Variants in EVA1C observed in about 807,000 individuals in gnomAD.
The protein encoded by EVA1C is protein eva-1 homolog C.
A neutral mutation model predicts 45.4 loss-of-function variants in EVA1C; 25 were observed. The observed-to-expected ratio is 0.55, with a 90% CI of 0.40 to 0.77. EVA1C has a LOEUF of 0.77. EVA1C is among the 30% of genes least tolerant of loss of function. The probability of loss-of-function intolerance (pLI) is 0.00; values close to 1 mark genes in which losing one functional copy is unlikely to be tolerated. For missense variants in EVA1C, 479 were observed against 554.8 expected, an observed-to-expected ratio of 0.86 and a Z score of 1.37; for synonymous variants, 190 against 221.2, an observed-to-expected ratio of 0.86 and a Z score of 1.25.
intron 3 of EVA1C, among the ~76,000 whole-genome samples, chr21:32,462,352 C>T (rs891947162): frequency 6.6e-6 from 1 of 152,046 alleles, no homozygotes; most frequent in African/African-American, 2.4e-5. Flanking sequence ...TATGAGCTCA[C>T]CACTGCACTC....
intron 1 of EVA1C, among the ~76,000 whole-genome samples, chr21:32,431,361 C>T (rs1378345752): frequency 1.3e-5 from 2 of 152,236 alleles, no homozygotes; most frequent in Non-Finnish European, 2.9e-5. Context: ...AACAAGCAGA[C>T]ATGGGGGGCT....
Position 32,514,851 on chromosome 21 carries a change from T to C in EVA1C, c.987T>C (p.Ser329=). Residue 329 remains serine, a synonymous_variant, in exon 8 of 8, where the codon AGT becomes AGC. Transcript: ENST00000300255. ...GAGCTGCCCTGCTGTTCGTGTCCAG[T>C]GTCTGCATCGGCCTGGCCCTCACAC... ...PERAALLFVS[S]VCIGLALTLC... 6.3e-7 allele frequency: 1 copy of C among 1,599,064 alleles called. No homozygotes were observed. The highest frequency in any genetic ancestry group is 8.5e-7 in the Non-Finnish European group (1 of 1,171,032).
At chr21:32,453,175 G>C in intron 1 of EVA1C, 137 bp from the exon 2 acceptor site, 1 of 582,072 alleles carries the variant, frequency 1.7e-6, no homozygotes, top group Non-Finnish European at 3.1e-6. Context: ...CTGCACCAGA[G>C]CTGCTAGGGA....
At chr21:32,471,311 C>T (rs2036361894) in intron 4 of EVA1C, among the ~76,000 whole-genome samples, 3 of 149,674 alleles carry the variant, frequency 2.0e-5, no homozygotes, top group South Asian at 4.2e-4. Flanking sequence ...CCCCTACTCC[C>T]ACTCCTTTTT....
intron 4 of EVA1C, among the ~76,000 whole-genome samples, chr21:32,484,599 A>G (rs916757035): frequency 2.0e-5 from 3 of 151,796 alleles, no homozygotes; most frequent in Non-Finnish European, 4.4e-5. Context: ...TGCAACTCAC[A>G]TGTGTCACCC....
chr21:32,438,022 C>G (rs1448311638), intron 1 of EVA1C, among the ~76,000 whole-genome samples: 3 of 152,184 alleles, frequency 2.0e-5, no homozygotes, highest in African/African-American at 7.2e-5. Flanking sequence ...GGAGGAGCAG[C>G]TGTTTTTTGA....
rs560846514 is a variant in EVA1C, at chr21:32,420,045, C to T, written c.160+7032C>T. On this transcript the variant is annotated intron_variant, in intron 1 of 7. Coordinates refer to ENST00000300255, the MANE Select transcript of EVA1C (RefSeq NM_058187.5). Reference sequence around the variant, plus strand: ...CCCTTGGGGTATCTCGTTCTGCCACCCCTTTAGTTGGCTCCCATGTGTGCA... The same window carrying T: ...CCCTTGGGGTATCTCGTTCTGCCACTCCTTTAGTTGGCTCCCATGTGTGCA... 3.9e-3 allele frequency among the ~76,000 whole-genome samples: 588 copies of T among 152,254 alleles called. 1 individual carries two copies. Among genetic ancestry groups the T allele is most frequent in the Middle Eastern group, 0.02 (6 of 294 alleles).
In EVA1C at chr21:32,483,429, C is replaced by T. The variant is rs528542012; in HGVS notation, c.635-11598C>T. On this transcript the variant is annotated intron_variant, in intron 4 of 7. Coordinates refer to ENST00000300255, the MANE Select transcript of EVA1C (RefSeq NM_058187.5). ...AAAGCTCAATAGACTTCTTGACTTGCTGTGTTTACTCTTCATTCATGAAGA... is the reference window on the plus strand; with the variant it reads ...AAAGCTCAATAGACTTCTTGACTTGTTGTGTTTACTCTTCATTCATGAAGA... 3.3e-5 allele frequency among the ~76,000 whole-genome samples: 5 copies of T among 152,252 alleles called. No individual in the cohort carries two copies. In the East Asian group the frequency reaches 9.7e-4, roughly 29 times the overall value.
intron 7 of EVA1C, among the ~76,000 whole-genome samples, chr21:32,514,099 T>C (rs1387874444): frequency 6.6e-6 from 1 of 152,220 alleles, no homozygotes; most frequent in Non-Finnish European, 1.5e-5. Flanking sequence ...GCTTAGGTTT[T>C]ATGCAAATTC....
intron 1 of EVA1C, among the ~76,000 whole-genome samples, chr21:32,413,371 T>A (rs1235707224): frequency 6.6e-6 from 1 of 152,236 alleles, no homozygotes; most frequent in African/African-American, 2.4e-5. Flanking sequence ...CGTGTTGTGG[T>A]CGGAGGCGTT....
At chr21:32,419,028 C>T (rs948368254) in intron 1 of EVA1C, among the ~76,000 whole-genome samples, 5 of 152,148 alleles carry the variant, frequency 3.3e-5, no homozygotes, top group African/African-American at 1.2e-4. Flanking sequence ...GACAGAACAA[C>T]ATGTAATTTA....
At position 32,464,648 on chromosome 21, in the gene EVA1C, CCT is replaced by C. The variant is rs1158087473; in HGVS notation, c.482-3047_482-3046del. ...ACCAGCCTAGTCAATATGGTGAAAC[CCT>C]GTCTCTACTAAAAATACAAAAATTA... On this transcript the variant is annotated intron_variant, in intron 3 of 7. Coordinates refer to ENST00000300255, the MANE Select transcript of EVA1C (RefSeq NM_058187.5). 6.6e-5 allele frequency among the ~76,000 whole-genome samples: 10 copies of C among 152,008 alleles called. No homozygotes were observed. In the East Asian group the frequency reaches 1.7e-3, roughly 27 times the overall value.
intron 1 of EVA1C, among the ~76,000 whole-genome samples, chr21:32,432,287 A>G (rs552782912): frequency 6.6e-6 from 1 of 152,038 alleles, no homozygotes; most frequent in South Asian, 2.1e-4. Context: ...TCATTGCTTT[A>G]TATTGCAGAA....
chr21:32,515,086 G>A lies in EVA1C; in HGVS notation c.1222G>A (p.Glu408Lys). 1 of 1,614,190 alleles carries A rather than the reference G, an allele frequency of 6.2e-7. No individual in the cohort carries two copies. Among genetic ancestry groups the A allele is most frequent in the Admixed American group, 1.7e-5 (1 of 60,024 alleles). ...YPIYSSIEAA[E>K]LAERIERREQ... is the part of the protein sequence containing the mutation. Reference sequence around the variant, plus strand: ...TATATACAGTTCCATAGAAGCTGCAGAGCTCGCAGAAAGGATTGAGCGCAG... The same window carrying A: ...TATATACAGTTCCATAGAAGCTGCAAAGCTCGCAGAAAGGATTGAGCGCAG... The change falls in exon 8 of 8, where the codon GAG (glutamate) becomes AAG (lysine). Residue 408 changes from glutamate to lysine, a missense_variant. By Grantham distance (56) the Glu-to-Lys change is moderately conservative. Around this residue, in one of 3 missense-constraint regions of EVA1C, gnomAD observed 366 missense variants for 426.1 expected, o/e 0.86. Transcript: ENST00000300255.
chr21:32,461,345 T>G (rs1338916579), intron 3 of EVA1C, among the ~76,000 whole-genome samples: 1 of 152,168 alleles, frequency 6.6e-6, no homozygotes, highest in Non-Finnish European at 1.5e-5. Context: ...GATGAAGTCA[T>G]AAAGCCCCTC....
chr21:32,504,995 G>T lies in EVA1C; in HGVS notation c.949+980G>T, dbSNP rs148055255. Among the ~76,000 whole-genome samples the T allele has an allele frequency of 2.5e-3, 384 of 151,980 alleles. 5 individuals are homozygous for T. Among genetic ancestry groups the T allele is most frequent in the African/African-American group, 9.0e-3 (373 of 41,444 alleles). ...AGCAGGCAAGAGAGCTTGTGCAGGG[G>T]AACTCCCCTTTATAAAACCATCAGA... On this transcript the variant is annotated intron_variant, in intron 7 of 7. Coordinates refer to ENST00000300255, the MANE Select transcript of EVA1C (RefSeq NM_058187.5).
chr21:32,439,576 C>G (rs1438006858), intron 1 of EVA1C, among the ~76,000 whole-genome samples: 1 of 152,116 alleles, frequency 6.6e-6, no homozygotes, highest in Non-Finnish European at 1.5e-5. Context: ...ACTGAGAGAC[C>G]TATCTGAAAT....
chr21:32,427,015 T>TCAGAAACAGAG (rs2034514922), intron 1 of EVA1C, among the ~76,000 whole-genome samples: 1 of 152,106 alleles, frequency 6.6e-6, no homozygotes, highest in Admixed American at 6.5e-5. Context: ...AGCAGGCCTG[T>TCAGAAACAGAG]CAGAACTCTG....
At chr21:32,414,118 C>A (rs2033941475) in intron 1 of EVA1C, among the ~76,000 whole-genome samples, 1 of 152,142 alleles carries the variant, frequency 6.6e-6, no homozygotes, top group Non-Finnish European at 1.5e-5. Context: ...TAGTGGAGAG[C>A]CCTTAGGTCA....
Sources: allele counts gnomAD v4.1 joint callset (sites outside exome capture counted in the v4.1 genomes callset), GRCh38; gene constraint gnomAD v4.1.1; regional missense constraint gnomAD v4.1.1; transcripts MANE v1.5; gene names NCBI Gene and HGNC (gene_info 2026-07-23, HGNC 2026-07-21).